Variants in SRGAP3 observed in about 807,000 individuals in gnomAD.
SRGAP3 encodes the protein SLIT-ROBO Rho GTPase-activating protein 3.
A neutral mutation model predicts 121.1 loss-of-function variants in SRGAP3; 39 were observed. The observed-to-expected ratio is 0.32, with a 90% confidence interval of 0.25 to 0.42. SRGAP3 has a LOEUF of 0.42. SRGAP3 is among the 10% of genes least tolerant of loss of function. The probability of loss-of-function intolerance (pLI) is 1.00; values close to 1 mark genes in which losing one functional copy is unlikely to be tolerated. For synonymous variants in SRGAP3, 601 were observed against 570.0 expected (o/e 1.05, Z -0.77); for missense variants, 1,213 against 1,470.6 (o/e 0.82, Z 2.86).
chr3:9,104,478 A>G (rs971083867), intron 3 of SRGAP3, among the ~76,000 whole-genome samples: 1 of 152,174 alleles, frequency 6.6e-6, no homozygotes, highest in Non-Finnish European at 1.5e-5. Context: ...AGTGGCTAAG[A>G]CTACACACTC....
At chr3:9,140,922 TG>T (rs1299660519) in intron 1 of SRGAP3, among the ~76,000 whole-genome samples, 1 of 152,208 alleles carries the variant, frequency 6.6e-6, no homozygotes, top group Non-Finnish European at 1.5e-5. Flanking sequence ...CCTCTAGTTG[TG>T]GCAATCCCAT....
At chr3:9,340,908 C>T (rs79648712) in intron 1 of SRGAP3, among the ~76,000 whole-genome samples, 9,470 of 152,200 alleles carry the variant, frequency 0.062, 1,044 homozygotes, top group African/African-American at 0.22. Context: ...TAACGAAATG[C>T]CATAGACTAA....
intron 1 of SRGAP3, among the ~76,000 whole-genome samples, chr3:9,219,666 T>C (rs9818324): frequency 0.34 from 51,218 of 151,842 alleles, 9,182 homozygotes; most frequent in East Asian, 0.7. Flanking sequence ...CTGGCTAGCA[T>C]GGTGAAACCC....
chr3:9,261,260 C>T (rs1005322708), intron 3 of SRGAP3, among the ~76,000 whole-genome samples: 1 of 152,140 alleles, frequency 6.6e-6, no homozygotes, highest in African/African-American at 2.4e-5. Context: ...AGCAAAAAGG[C>T]TGAAAATTCC....
At chr3:9,044,492 A>C (rs1945164005) in intron 10 of SRGAP3, among the ~76,000 whole-genome samples, 1 of 152,208 alleles carries the variant, frequency 6.6e-6, no homozygotes, top group Admixed American at 6.5e-5. Context: ...AACAGCGAGA[A>C]ATTTAAAACG....
intron 3 of SRGAP3, among the ~76,000 whole-genome samples, chr3:9,101,004 A>T (rs1273837513): frequency 2.0e-5 from 3 of 152,214 alleles, no homozygotes; most frequent in Non-Finnish European, 4.4e-5. Flanking sequence ...CCTTCAAGCA[A>T]CTGACAGGTT....
chr3:9,276,477 G>T (rs1263081964), intron 3 of SRGAP3, among the ~76,000 whole-genome samples: 1 of 149,674 alleles, frequency 6.7e-6, no homozygotes, highest in African/African-American at 2.5e-5. Context: ...CCAGGCTGAA[G>T]TGCAATGGCG....
At chr3:9,184,838 C>A (rs1240221751) in intron 1 of SRGAP3, among the ~76,000 whole-genome samples, 1 of 152,184 alleles carries the variant, frequency 6.6e-6, no homozygotes, top group Non-Finnish European at 1.5e-5. Flanking sequence ...CCAGAACCAT[C>A]CCTTTCAGGT....
rs78872923 is a variant in SRGAP3 at position 9,156,313 on chromosome 3, C to G, written c.68-31396G>C. Among the ~76,000 whole-genome samples the G allele has an allele frequency of 6.2e-3, 947 of 152,316 alleles. 12 individuals are homozygous for G. The highest frequency in any genetic ancestry group is 0.021 in the African/African-American group (879 of 41,566). On this transcript the variant is annotated intron_variant, in intron 1 of 21. Transcript: ENST00000383836. ...TTGTTTTGTGTTTGTTGCATTCTCT[C>G]TCAATCTCACTCTCTGCTCTCTTGC...
chr3:9,270,364 G>A (rs1271867760), intron 3 of SRGAP3, among the ~76,000 whole-genome samples: 4 of 152,056 alleles, frequency 2.6e-5, no homozygotes, highest in Non-Finnish European at 4.4e-5. Context: ...TTCAAAAACA[G>A]ACAACACTAA....
At chr3:9,287,107 T>C (rs1468853005) in intron 3 of SRGAP3, among the ~76,000 whole-genome samples, 3 of 145,372 alleles carry the variant, frequency 2.1e-5, no homozygotes, top group African/African-American at 7.6e-5. Context: ...TCTTCCTACC[T>C]CAGCCTCCTG....
Position 9,117,597 on chromosome 3 carries a change from A to G in SRGAP3, c.260+7128T>C, listed in dbSNP as rs374281480. Among the ~76,000 whole-genome samples the G allele has an allele frequency of 1.6e-4, 24 of 152,338 alleles. No individual in the cohort carries two copies. In the East Asian group the frequency reaches 3.7e-3, roughly 23 times the overall value. ...TTTTCACAGCAGTTAAACTAGCAGC[A>G]ACCAGCACTTAACCCTCTGCATGGA... On this transcript the variant is annotated intron_variant, in intron 2 of 21. Coordinates refer to ENST00000383836, the MANE Select transcript of SRGAP3 (RefSeq NM_014850.4).
intron 14 of SRGAP3, among the ~76,000 whole-genome samples, chr3:9,019,933 A>G (rs1943830724): frequency 6.6e-6 from 1 of 152,212 alleles, no homozygotes; most frequent in Admixed American, 6.5e-5. Context: ...TTTGTAGGGA[A>G]GGAAGAGAGA....
At chr3:9,129,610 G>A (rs1332130185) in intron 1 of SRGAP3, among the ~76,000 whole-genome samples, 1 of 151,940 alleles carries the variant, frequency 6.6e-6, no homozygotes, top group Non-Finnish European at 1.5e-5. Flanking sequence ...AGATTGCCTA[G>A]CGCTGTTTGG....
intron 1 of SRGAP3, among the ~76,000 whole-genome samples, chr3:9,131,573 G>C (rs951321689): frequency 1.3e-5 from 2 of 151,324 alleles, no homozygotes; most frequent in Non-Finnish European, 2.9e-5. Context: ...CAAGTAGCTG[G>C]GGACTACAGG....
At chr3:9,132,941 C>CA (rs1949512039) in intron 1 of SRGAP3, among the ~76,000 whole-genome samples, 1 of 150,954 alleles carries the variant, frequency 6.6e-6, no homozygotes, top group Admixed American at 6.6e-5. Context: ...TCCCCTCTCG[C>CA]AAAACAACCA....
At chr3:9,120,568 A>G (rs1037794574) in intron 2 of SRGAP3, among the ~76,000 whole-genome samples, 5 of 152,258 alleles carry the variant, frequency 3.3e-5, no homozygotes, top group African/African-American at 1.2e-4. Flanking sequence ...CTGAGTTGGA[A>G]GTCAAGAACC....
intron 1 of SRGAP3, among the ~76,000 whole-genome samples, chr3:9,184,943 C>G (rs545963183): frequency 4.6e-5 from 7 of 152,158 alleles, no homozygotes; most frequent in Non-Finnish European, 2.9e-5. Flanking sequence ...CCACCTTGTT[C>G]CCAAGCCCTG....
Position 9,322,426 on chromosome 3 carries a change from A to G in SRGAP3, n.442+3584T>C, listed in dbSNP as rs190747652. Among the ~76,000 whole-genome samples, 12 of 151,902 alleles carry G rather than the reference A, an allele frequency of 7.9e-5. No individual in the cohort carries two copies. In the East Asian group the frequency reaches 2.3e-3, roughly 29 times the overall value. Reference sequence around the variant, plus strand: ...TGAAACCCTGGTGATGTGGGATCTTAATACAGGGGTCCCCAACCCCTGGGC... The same window carrying G: ...TGAAACCCTGGTGATGTGGGATCTTGATACAGGGGTCCCCAACCCCTGGGC... On this transcript the variant is annotated intron_variant and non_coding_transcript_variant, in intron 3 of 3. Coordinates refer to the SRGAP3 transcript ENST00000490889.
Sources: allele counts gnomAD v4.1 joint callset (sites outside exome capture counted in the v4.1 genomes callset), GRCh38; gene constraint gnomAD v4.1.1; transcripts MANE v1.5; gene names NCBI Gene and HGNC (gene_info 2026-07-23, HGNC 2026-07-21).